MCM10: variants seen among roughly 807,000 people sequenced by gnomAD.
MCM10 encodes protein MCM10 homolog.
MCM10 carries 91 observed loss-of-function variants against 109.9 expected under a neutral mutation model. The ratio of observed to expected loss-of-function variants is 0.83; its 90% CI spans 0.70 to 0.99. The LOEUF is 0.99. Among genes scored for constraint, MCM10 ranks in the 50% least tolerant of loss-of-function variants. The pLI, the probability that MCM10 is intolerant of heterozygous loss-of-function variation, is 0.00. For missense variants in MCM10, 1,077 were observed against 1,061.2 expected, an observed-to-expected ratio of 1.01 and a Z score of -0.21; for synonymous variants, 380 against 387.2, an observed-to-expected ratio of 0.98 and a Z score of 0.22.
intron 2 of MCM10, 92 bp from the exon 3 acceptor site, chr10:13,170,830 T>C (rs1834060853): frequency 1.6e-5 from 18 of 1,108,570 alleles, no homozygotes; most frequent in Non-Finnish European, 2.2e-5. Context: ...AGGTAGTTTC[T>C]CTTACCCCCA....
At chr10:13,166,657 C>CATATATATATATATATATATAT (rs1491379684) in intron 2 of MCM10, among the ~76,000 whole-genome samples, 1 of 19,956 alleles carries the variant, frequency 5.0e-5, no homozygotes, top group Non-Finnish European at 1.3e-4. Flanking sequence ...AAAATACATA[C>CATATATATATATATATATATAT]ATACATATAT....
At chr10:13,177,508 CTTTTTTTTTTTT>C (rs60316855) in intron 6 of MCM10, among the ~76,000 whole-genome samples, 2 of 105,264 alleles carry the variant, frequency 1.9e-5, no homozygotes, top group African/African-American at 8.1e-5. Context: ...GATTTTGGAG[CTTTTTTTTTTTT>C]TTTTTTTTTT....
At chr10:13,207,720 G>C (rs931305350) in intron 18 of MCM10, among the ~76,000 whole-genome samples, 22 of 152,186 alleles carry the variant, frequency 1.4e-4, no homozygotes, top group Non-Finnish European at 3.1e-4. Flanking sequence ...TGTAAGACAT[G>C]CCTTTGCTCT....
At chr10:13,174,912 T>TG (rs570899255) in intron 5 of MCM10, among the ~76,000 whole-genome samples, 115 of 152,286 alleles carry the variant, frequency 7.6e-4, no homozygotes, top group African/African-American at 2.6e-3. Flanking sequence ...GCGGATCACC[T>TG]GAGGTCGGGA....
rs1834653928 is a variant in MCM10, at chr10:13,210,952, T to C, written c.*1642T>C. On this transcript the variant is annotated 3_prime_UTR_variant, in exon 20 of 20. Coordinates refer to ENST00000378714, the MANE Select transcript of MCM10 (RefSeq NM_018518.5). ...TCCCTTTCTTATGGGAAAAACAATG[T>C]TCTTGTTTGAACAGAGGGTATCATT... The C allele has an allele frequency of 6.6e-6, 1 of 152,212 alleles. No homozygotes were observed. The highest frequency in any genetic ancestry group is 2.1e-4 in the South Asian group (1 of 4,832). 9.4% of individuals were successfully genotyped at this position (152,212 alleles called of 1,614,324 possible). A position where few individuals can be genotyped will look rare whatever the true frequency, so the allele number is the denominator to read the frequency against.
chr10:13,171,358 G>A, intron 3 of MCM10, 95 bp downstream of exon 3: 6 of 1,136,370 alleles, frequency 5.3e-6, no homozygotes, highest in Non-Finnish European at 7.3e-6. Flanking sequence ...CTGATTCAAG[G>A]GTAGAGATAA....
chr10:13,198,948 T>C (rs897960789), intron 16 of MCM10, 141 bp downstream of exon 16: 4 of 603,356 alleles, frequency 6.6e-6, no homozygotes. Context: ...CAGGCTGAAG[T>C]GCAGTGGCGC....
intron 15 of MCM10, among the ~76,000 whole-genome samples, chr10:13,198,061 C>T (rs143128042): frequency 0.021 from 3,191 of 152,090 alleles, 61 homozygotes; most frequent in South Asian, 0.081. Flanking sequence ...TACAAGCGCG[C>T]GCCACCACGC....
At chr10:13,203,394 G>A (rs1329285855) in intron 17 of MCM10, among the ~76,000 whole-genome samples, 1 of 152,072 alleles carries the variant, frequency 6.6e-6, no homozygotes, top group African/African-American at 2.4e-5. Context: ...ATTCCATTGG[G>A]CCCACCCAGA....
intron 17 of MCM10, among the ~76,000 whole-genome samples, 188 bp from the exon 18 acceptor site, chr10:13,204,031 A>T (rs1333339832): frequency 1.3e-5 from 2 of 148,984 alleles, no homozygotes; most frequent in Non-Finnish European, 2.9e-5. Context: ...CGGTGGTATC[A>T]GTGTGAGGGA....
intron 5 of MCM10, among the ~76,000 whole-genome samples, chr10:13,173,252 G>A (rs1834098711): frequency 6.6e-6 from 1 of 152,046 alleles, no homozygotes; most frequent in Admixed American, 6.5e-5. Flanking sequence ...TACTTAACAG[G>A]TTGAATTTTT....
chr10:13,165,288 A>C (rs991089921), intron 2 of MCM10, among the ~76,000 whole-genome samples: 5 of 152,238 alleles, frequency 3.3e-5, no homozygotes, highest in Admixed American at 3.3e-4. Flanking sequence ...TATCTATTGC[A>C]CTCTCAAAAT....
intron 18 of MCM10, among the ~76,000 whole-genome samples, chr10:13,206,172 T>C (rs1834578076): frequency 1.3e-5 from 2 of 152,226 alleles, no homozygotes; most frequent in Admixed American, 6.5e-5. Flanking sequence ...TACAGAATTC[T>C]GTCTCATTTG....
chr10:13,195,289 T>A lies in MCM10; in HGVS notation c.1974+20T>A. 2 of 1,556,788 alleles carry A rather than the reference T, an allele frequency of 1.3e-6. No individual in the cohort carries two copies. The highest frequency in any genetic ancestry group is 2.3e-5 in the South Asian group (2 of 85,122). On this transcript the variant is annotated intron_variant, in intron 14 of 19. Coordinates refer to ENST00000378714, the MANE Select transcript of MCM10 (RefSeq NM_018518.5). ...AAAAAGGTAACTGGCATCTCTTCTC[T>A]TTAGCACTTGAGTTTGCATTCTGTA...
intron 2 of MCM10, among the ~76,000 whole-genome samples, chr10:13,166,649 A>AAATAC (rs1554773846): frequency 1.7e-4 from 7 of 41,510 alleles, no homozygotes; most frequent in African/African-American, 5.4e-4. Flanking sequence ...AAAAAAAAAA[A>AAATAC]ATACATACAT....
chr10:13,189,203 T>A, intron 10 of MCM10, 123 bp downstream of exon 10: 4 of 1,011,236 alleles, frequency 4.0e-6, no homozygotes, highest in Non-Finnish European at 5.8e-6. Context: ...CATAACTCAC[T>A]ACTTGAAACA....
At chr10:13,206,423 A>C (rs1834581998) in intron 18 of MCM10, among the ~76,000 whole-genome samples, 1 of 151,814 alleles carries the variant, frequency 6.6e-6, no homozygotes, top group Non-Finnish European at 1.5e-5. Flanking sequence ...GTGCTTGCTT[A>C]TTTTCATTTG....
chr10:13,166,150 G>T (rs1182620452), intron 2 of MCM10, among the ~76,000 whole-genome samples: 3 of 152,134 alleles, frequency 2.0e-5, no homozygotes, highest in Middle Eastern at 3.4e-3. Flanking sequence ...GGATTCAGGA[G>T]CCAGAGAGGT....
chr10:13,183,096 A>T lies in MCM10; in HGVS notation c.1094A>T (p.Glu365Val). Reference protein sequence around the residue: ...ANPMKPKDGSEEVCLSIDHPQ... With the variant: ...ANPMKPKDGSVEVCLSIDHPQ... ...CCCATGAAGCCCAAGGATGGTTCAGAGGAGGTAAGAGCCTGTTTCTGGGAT... is the reference window on the plus strand; with the variant it reads ...CCCATGAAGCCCAAGGATGGTTCAGTGGAGGTAAGAGCCTGTTTCTGGGAT... Residue 365 changes from glutamate (E) to valine (V), a missense_variant, in exon 8 of 20, where the codon GAG becomes GTG. By Grantham distance (121) the Glu-to-Val change is moderately radical. Coordinates refer to ENST00000378714, the MANE Select transcript of MCM10 (RefSeq NM_018518.5). 1.2e-6 allele frequency: 2 copies of T among 1,607,790 alleles called. No homozygotes were observed. The highest frequency in any genetic ancestry group is 1.7e-6 in the Non-Finnish European group (2 of 1,178,462).
Sources: allele counts gnomAD v4.1 joint callset (sites outside exome capture counted in the v4.1 genomes callset), GRCh38; gene constraint gnomAD v4.1.1; transcripts MANE v1.5; gene names NCBI Gene and HGNC (gene_info 2026-07-23, HGNC 2026-07-21).